IL21: variants seen among roughly 807,000 people sequenced by gnomAD.
IL21 encodes the protein interleukin-21.
In IL21, 3 loss-of-function variants were observed where a neutral mutation model predicts 18.4. The observed-to-expected ratio is 0.16, with a 90% CI of 0.07 to 0.42. The LOEUF (loss-of-function observed/expected upper bound fraction) is 0.42. Among genes scored for constraint, IL21 ranks in the 10% least tolerant of loss-of-function variants. The pLI is 0.99. For synonymous variants in IL21, 37 were observed against 62.0 expected, an observed-to-expected ratio of 0.60 and a Z score of 1.90; for missense variants, 130 against 188.4, an observed-to-expected ratio of 0.69 and a Z score of 1.81.
intron 2 of IL21, among the ~76,000 whole-genome samples, chr4:122,616,774 T>C (rs1799341928): frequency 6.6e-6 from 1 of 152,160 alleles, no homozygotes; most frequent in African/African-American, 2.4e-5. Context: ...TGTTGAAAAA[T>C]TTTAATGCTG....
chr4:122,615,234 C>T (rs781508913), intron 3 of IL21, among the ~76,000 whole-genome samples: 26 of 152,128 alleles, frequency 1.7e-4, no homozygotes, highest in Non-Finnish European at 2.8e-4. Flanking sequence ...AAATGCACCA[C>T]GTATAGGCCG....
chr4:122,619,148 G>T (rs17878532), intron 2 of IL21: 222 of 152,252 alleles, frequency 1.5e-3, no homozygotes, highest in African/African-American at 5.0e-3. Flanking sequence ...GCCAATTAGA[G>T]ATCTTAGATA....
chr4:122,614,196 G>A (rs966726001), intron 3 of IL21, among the ~76,000 whole-genome samples: 2 of 152,066 alleles, frequency 1.3e-5, no homozygotes, highest in African/African-American at 4.8e-5. Context: ...AGATGAACAT[G>A]CTTAACTGGA....
chr4:122,620,610 A>G lies in IL21; in HGVS notation c.204+91T>C. The stretch of plus-strand genomic sequence containing the variant: ...ACCGCTAAGTTCATTAAAATTCAGT[A>G]TACTCCTATATAATCATGCTAATGT... On this transcript the variant is annotated intron_variant, in intron 2 of 4. Coordinates refer to ENST00000648588, the MANE Select transcript of IL21 (RefSeq NM_021803.4). The G allele has an allele frequency of 5.8e-6, 6 of 1,031,060 alleles. No homozygotes were observed. The South Asian group carries it at 7.3e-5, about 12-fold the overall frequency. The allele number at this position is 1,031,060 out of a possible 1,614,324, so 63.9% of individuals were successfully genotyped here.
chr4:122,612,697 G>C lies in IL21; in HGVS notation c.*13C>G, dbSNP rs368860895. The C allele has an allele frequency of 5.3e-5, 83 of 1,567,542 alleles. No individual in the cohort carries two copies. The African/African-American group carries it at 1.1e-3, about 20-fold the overall frequency. On this transcript the variant is annotated 3_prime_UTR_variant, in exon 5 of 5. Transcript: ENST00000648588. ...AGAGTATGTAACATAGTGTCCAACT[G>C]CAAGTTAGATCCTCAGGAATCTTCA... is the stretch of plus-strand genomic sequence containing the variant.
chr4:122,615,583 C>T, intron 3 of IL21, 99 bp downstream of exon 3: 7 of 1,053,010 alleles, frequency 6.6e-6, no homozygotes, highest in Non-Finnish European at 8.2e-6. Context: ...GTAAGGAAGA[C>T]ACCAGCAGCC....
At chr4:122,614,864 C>T (rs1367472915) in intron 3 of IL21, among the ~76,000 whole-genome samples, 1 of 152,092 alleles carries the variant, frequency 6.6e-6, no homozygotes, top group East Asian at 1.9e-4. Context: ...TTAAAATTCC[C>T]CAGCCAAGTA....
In IL21 at chr4:122,612,729, T is replaced by A. The variant is rs1326239267; in HGVS notation, c.470A>T (p.His157Leu). The A allele has an allele frequency of 6.2e-7, 1 of 1,612,440 alleles. No individual in the cohort carries two copies. Among genetic ancestry groups the A allele is most frequent in the Admixed American group, 1.7e-5 (1 of 60,022 alleles). ...MIHQHLSSRTHGSEDS is the reference protein window; with the variant it reads ...MIHQHLSSRTLGSEDS ...AGATCCTCAGGAATCTTCACTTCCG[T>A]GTGTTCTAGAGGACAGATGCTGATG... Residue 157 changes from histidine (H) to leucine (L), a missense_variant, in exon 5 of 5, where the codon CAC becomes CTC. Transcript: ENST00000648588.
chr4:122,618,143 C>A (rs905350886), intron 2 of IL21, among the ~76,000 whole-genome samples: 1 of 152,150 alleles, frequency 6.6e-6, no homozygotes, highest in African/African-American at 2.4e-5. Flanking sequence ...CTAGAAGGAG[C>A]GGTAGTAAAG....
intron 2 of IL21, among the ~76,000 whole-genome samples, chr4:122,616,315 A>G (rs1481921484): frequency 2.0e-5 from 3 of 152,222 alleles, no homozygotes; most frequent in Non-Finnish European, 4.4e-5. Context: ...TATTCTGTAC[A>G]GCGCCAGGCA....
intron 2 of IL21, 88 bp downstream of exon 2, chr4:122,620,613 C>A: frequency 9.3e-7 from 1 of 1,070,648 alleles, no homozygotes; most frequent in Admixed American, 2.1e-5. Context: ...ATTCAGTATA[C>A]TCCTATATAA....
chr4:122,613,901 A>G (rs1799299673), intron 3 of IL21, among the ~76,000 whole-genome samples: 3 of 152,170 alleles, frequency 2.0e-5, no homozygotes, highest in Non-Finnish European at 2.9e-5. Flanking sequence ...TTTAACTCGC[A>G]TTTATGTGAT....
chr4:122,615,850 C>T lies in IL21; in HGVS notation c.205-13G>A. On this transcript the variant is annotated splice_polypyrimidine_tract_variant and intron_variant, in intron 2 of 4. Transcript: ENST00000648588. The stretch of plus-strand genomic sequence containing the variant: ...ACTCACAGTTTGTCTGAAAGATAAA[C>T]AATTTGTATATATGTTAACAAACAT... 1 of 1,597,032 alleles carries T rather than the reference C, an allele frequency of 6.3e-7. No individual in the cohort carries two copies. The highest frequency in any genetic ancestry group is 8.5e-7 in the Non-Finnish European group (1 of 1,171,052).
rs1281864627 is a variant in IL21 at position 122,611,103 on chromosome 4, TC to T, written c.*1606del. ...ACATTCAGAAACAAGAAATACAGAT[TC>T]CATCTTTCTCACTATCTTTGTGCCT... On this transcript the variant is annotated 3_prime_UTR_variant, in exon 5 of 5. Transcript: ENST00000648588. Among the ~76,000 whole-genome samples, 3 of 152,162 alleles carry T rather than the reference TC, an allele frequency of 2.0e-5. No individual in the cohort carries two copies. Among genetic ancestry groups the T allele is most frequent in the Non-Finnish European group, 4.4e-5 (3 of 68,012 alleles).
intron 3 of IL21, among the ~76,000 whole-genome samples, chr4:122,614,165 A>G (rs1799303515): frequency 6.6e-6 from 1 of 152,112 alleles, no homozygotes; most frequent in South Asian, 2.1e-4. Context: ...TCCTTTGTAG[A>G]TCTCACTTTC....
Position 122,612,598 on chromosome 4 carries a change from G to T in IL21, c.*112C>A. 1 of 749,682 alleles carries T rather than the reference G, an allele frequency of 1.3e-6. No individual in the cohort carries two copies. Among genetic ancestry groups the T allele is most frequent in the Non-Finnish European group, 2.3e-6 (1 of 440,376 alleles). 46.4% of individuals were successfully genotyped at this position (749,682 alleles called of 1,614,324 possible). A position where few individuals can be genotyped will look rare whatever the true frequency, so the allele number is the denominator to read the frequency against. ...TAATCCTGACTTTGCACACTTATGA[G>T]TTTTTTTTTCCCATCGCTAATATAT... On this transcript the variant is annotated 3_prime_UTR_variant, in exon 5 of 5. Transcript: ENST00000648588.
intron 2 of IL21, among the ~76,000 whole-genome samples, chr4:122,619,752 G>T (rs1000176482): frequency 4.6e-5 from 7 of 152,212 alleles, no homozygotes; most frequent in African/African-American, 1.7e-4. Flanking sequence ...CAGAGCTAGA[G>T]AGTGAATTTT....
chr4:122,614,442 A>G (rs901185601), intron 3 of IL21, among the ~76,000 whole-genome samples: 2 of 142,198 alleles, frequency 1.4e-5, no homozygotes, highest in African/African-American at 5.1e-5. Context: ...TGCGATGGCT[A>G]ACACCTGTAA....
chr4:122,611,018 T>C lies in IL21; in HGVS notation c.*1692A>G, dbSNP rs1387838291. ...GAACAGAAATTTTTAACAATAAACA[T>C]GCCAAAAGAAATACATTATTTTAAA... On this transcript the variant is annotated 3_prime_UTR_variant, in exon 5 of 5. Coordinates refer to ENST00000648588, the MANE Select transcript of IL21 (RefSeq NM_021803.4). 6.6e-6 allele frequency among the ~76,000 whole-genome samples: 1 copy of C among 152,162 alleles called. No individual in the cohort carries two copies.
Sources: allele counts gnomAD v4.1 joint callset (sites outside exome capture counted in the v4.1 genomes callset), GRCh38; gene constraint gnomAD v4.1.1; transcripts MANE v1.5; gene names NCBI Gene and HGNC (gene_info 2026-07-23, HGNC 2026-07-21).